Variants in ZFYVE9 observed in about 807,000 individuals in gnomAD.
The protein encoded by ZFYVE9 is zinc finger FYVE-type containing 9.
A neutral mutation model predicts 126.7 loss-of-function variants in ZFYVE9; 43 were observed. The ratio of observed to expected loss-of-function variants is 0.34; its 90% CI spans 0.27 to 0.44. The LOEUF is 0.44. Ranked by LOEUF, ZFYVE9 falls within the 20% of genes least tolerant of loss-of-function variation. The probability of loss-of-function intolerance (pLI) is 1.00; values close to 1 mark genes in which losing one functional copy is unlikely to be tolerated. For missense variants in ZFYVE9, 1,476 were observed against 1,697.0 expected (o/e 0.87, Z 2.29); for synonymous variants, 521 against 597.4 (o/e 0.87, Z 1.87).
At chr1:52,272,755 C>T (rs1194804292) in intron 7 of ZFYVE9, among the ~76,000 whole-genome samples, 1 of 150,200 alleles carries the variant, frequency 6.7e-6, no homozygotes, top group Non-Finnish European at 1.5e-5. Flanking sequence ...CTGCAACCTC[C>T]ACCTTCCAGG....
At chr1:52,337,286 G>A (rs996960611) in intron 15 of ZFYVE9, among the ~76,000 whole-genome samples, 1 of 152,126 alleles carries the variant, frequency 6.6e-6, no homozygotes, top group African/African-American at 2.4e-5. Context: ...CTCTGTGGTA[G>A]GTTTGCCTTA....
At chr1:52,337,717 G>A in intron 15 of ZFYVE9, 55 bp from the exon 16 acceptor site, 3 of 1,585,054 alleles carry the variant, frequency 1.9e-6, no homozygotes, top group Non-Finnish European at 2.6e-6. Context: ...GAATTTGCTA[G>A]ATGCCAGGTG....
intron 4 of ZFYVE9, among the ~76,000 whole-genome samples, chr1:52,263,508 T>C (rs896562909): frequency 6.6e-6 from 1 of 152,168 alleles, no homozygotes; most frequent in African/African-American, 2.4e-5. Context: ...GGTGGTTTTT[T>C]CCCCACTGCT....
chr1:52,228,364 T>G (rs1353320220), intron 2 of ZFYVE9, among the ~76,000 whole-genome samples: 2 of 152,182 alleles, frequency 1.3e-5, no homozygotes, highest in Non-Finnish European at 2.9e-5. Flanking sequence ...TTAAAATAAT[T>G]AGTTTTGTCT....
chr1:52,281,556 T>C, intron 9 of ZFYVE9, 105 bp from the exon 10 acceptor site: 1 of 1,270,930 alleles, frequency 7.9e-7, no homozygotes, highest in Non-Finnish European at 1.1e-6. Flanking sequence ...CAGTGTGATC[T>C]ATTTTAATCT....
chr1:52,239,303 C>T lies in ZFYVE9; in HGVS notation c.1886C>T (p.Thr629Ile), dbSNP rs1236688170. ...GCAAAATTAGGGGAAAACTCAGCAA[C>T]CAATGTATGCAGTCCATCTTTGGGA... ...GKAKLGENSATNVCSPSLGNI... is the reference protein window; with the variant it reads ...GKAKLGENSAINVCSPSLGNI... The change falls in exon 4 of 19, where the codon ACC (threonine) becomes ATC (isoleucine). Residue 629 changes from threonine to isoleucine, a missense_variant. Physicochemically the swap from Thr to Ile is moderately conservative, Grantham distance 89. This residue lies in a region of ZFYVE9 where 807 missense variants were observed against 794.6 expected (regional missense o/e 1.02). Transcript: ENST00000287727. 9 of 1,614,026 alleles carry T rather than the reference C, an allele frequency of 5.6e-6. No homozygotes were observed. Among genetic ancestry groups the T allele is most frequent in the African/African-American group, 1.3e-5 (1 of 74,920 alleles).
chr1:52,175,935 G>C lies in ZFYVE9; in HGVS notation c.-143+33532G>C, dbSNP rs149087866. On this transcript the variant is annotated intron_variant, in intron 1 of 18. Coordinates refer to ENST00000287727, the MANE Select transcript of ZFYVE9 (RefSeq NM_004799.4). ...AAAGTTTTCAACTTCTTTGCCTTTG[G>C]TTTGAATTTCCTCCTGTAGCTTGGA... Among the ~76,000 whole-genome samples the C allele has an allele frequency of 5.3e-3, 812 of 152,200 alleles. 12 individuals carry two copies. The highest frequency in any genetic ancestry group is 0.019 in the African/African-American group (787 of 41,544).
intron 10 of ZFYVE9, among the ~76,000 whole-genome samples, chr1:52,284,814 T>G (rs1457095502): frequency 6.6e-6 from 1 of 152,184 alleles, no homozygotes; most frequent in Non-Finnish European, 1.5e-5. Flanking sequence ...TGGAACTGAT[T>G]ACAAGATACT....
chr1:52,337,952 C>G lies in ZFYVE9; in HGVS notation c.3833+18C>G, dbSNP rs1322779878. On this transcript the variant is annotated intron_variant, in intron 16 of 18. Coordinates refer to ENST00000287727, the MANE Select transcript of ZFYVE9 (RefSeq NM_004799.4). ...AGCAAGGGGTAAATGCAGCACATGT[C>G]CCCCTTTGTGGCTTTTAGTTATAGG... 20 of 1,610,736 alleles carry G rather than the reference C, an allele frequency of 1.2e-5. No homozygotes were observed. The highest frequency in any genetic ancestry group is 2.2e-5 in the East Asian group (1 of 44,838).
At chr1:52,220,360 C>T (rs1405285033) in intron 2 of ZFYVE9, among the ~76,000 whole-genome samples, 2 of 152,172 alleles carry the variant, frequency 1.3e-5, no homozygotes, top group Non-Finnish European at 2.9e-5. Context: ...TATGTTCCAA[C>T]AGTGCTTTGA....
At chr1:52,187,911 T>C (rs1644779505) in intron 1 of ZFYVE9, among the ~76,000 whole-genome samples, 1 of 152,204 alleles carries the variant, frequency 6.6e-6, no homozygotes, top group Admixed American at 6.5e-5. Flanking sequence ...GTGATTCCCT[T>C]GTTTTGTGAT....
At chr1:52,307,941 A>T (rs1332947809) in intron 13 of ZFYVE9, among the ~76,000 whole-genome samples, 4 of 151,812 alleles carry the variant, frequency 2.6e-5, no homozygotes, top group Non-Finnish European at 2.9e-5. Flanking sequence ...TTTAGTAGAT[A>T]CGGGGTTTCA....
At chr1:52,219,422 G>C (rs1645101945) in intron 2 of ZFYVE9, among the ~76,000 whole-genome samples, 1 of 151,900 alleles carries the variant, frequency 6.6e-6, no homozygotes, top group Admixed American at 6.5e-5. Context: ...CAGTGTGGTG[G>C]GTCCATGCTT....
chr1:52,324,079 A>G (rs1175452088), intron 13 of ZFYVE9, among the ~76,000 whole-genome samples: 1 of 151,546 alleles, frequency 6.6e-6, no homozygotes, highest in East Asian at 1.9e-4. Context: ...AAATAACCAC[A>G]AAAAAACAAA....
At chr1:52,277,929 T>C (rs1394508934) in intron 8 of ZFYVE9, among the ~76,000 whole-genome samples, 2 of 152,228 alleles carry the variant, frequency 1.3e-5, no homozygotes, top group Non-Finnish European at 2.9e-5. Flanking sequence ...TCTTAAATTA[T>C]ACTTAAAGGA....
chr1:52,337,949 T>G lies in ZFYVE9; in HGVS notation c.3833+15T>G. On this transcript the variant is annotated intron_variant, in intron 16 of 18. Transcript: ENST00000287727. ...GTTAGCAAGGGGTAAATGCAGCACA[T>G]GTCCCCCTTTGTGGCTTTTAGTTAT... 6.2e-7 allele frequency: 1 copy of G among 1,611,366 alleles called. No individual in the cohort carries two copies. The highest frequency in any genetic ancestry group is 8.5e-7 in the Non-Finnish European group (1 of 1,178,184).
At chr1:52,218,353 C>G (rs555276855) in intron 2 of ZFYVE9, among the ~76,000 whole-genome samples, 25 of 152,326 alleles carry the variant, frequency 1.6e-4, no homozygotes, top group African/African-American at 5.5e-4. Context: ...TACATCCCAT[C>G]AGGTTTCCAA....
chr1:52,236,918 T>C (rs1645277871), intron 3 of ZFYVE9, among the ~76,000 whole-genome samples: 2 of 152,208 alleles, frequency 1.3e-5, no homozygotes, highest in South Asian at 2.1e-4. Flanking sequence ...TATACCTTTA[T>C]CACCTTCTCA....
intron 7 of ZFYVE9, among the ~76,000 whole-genome samples, chr1:52,269,552 G>A (rs764638073): frequency 1.3e-5 from 2 of 152,110 alleles, no homozygotes; most frequent in Non-Finnish European, 2.9e-5. Flanking sequence ...GAGTTTGATT[G>A]TAATTGAAAT....
Sources: gnomAD v4.1 joint callset for allele counts (sites outside exome capture counted in the v4.1 genomes callset) on GRCh38, gnomAD v4.1.1 for gene constraint, gnomAD v4.1.1 regional missense constraint, MANE v1.5 for transcripts, NCBI Gene and HGNC (gene_info 2026-07-23, HGNC 2026-07-21) for gene names.